The following CCDC73 variants were observed in gnomAD, a reference collection of about 807,000 sequenced individuals.
The protein encoded by CCDC73 is coiled-coil domain-containing protein 73.
In CCDC73, 95 loss-of-function variants were observed where a neutral mutation model predicts 116.5. That is an observed-to-expected ratio of 0.82 (90% CI 0.69 to 0.97). CCDC73 has a LOEUF of 0.97. Ranked by LOEUF, CCDC73 falls within the 50% of genes least tolerant of loss-of-function variation. The probability of loss-of-function intolerance (pLI) is 0.00; values close to 1 mark genes in which losing one functional copy is unlikely to be tolerated. For synonymous variants in CCDC73, 398 were observed against 401.3 expected, an observed-to-expected ratio of 0.99 and a Z score of 0.10; for missense variants, 1,066 against 1,206.8, an observed-to-expected ratio of 0.88 and a Z score of 1.73.
chr11:32,797,362 G>A (rs909670804), upstream of CCDC73, among the ~76,000 whole-genome samples: 3 of 152,184 alleles, frequency 2.0e-5, no homozygotes, highest in African/African-American at 7.2e-5. Context: ...CCACTTGCCT[G>A]GCATATCCTG....
chr11:32,707,341 T>G (rs1849864518), intron 3 of CCDC73, among the ~76,000 whole-genome samples: 1 of 151,962 alleles, frequency 6.6e-6, no homozygotes, highest in Non-Finnish European at 1.5e-5. Flanking sequence ...TTTGTATTAC[T>G]GAGCCCAAGT....
intron 9 of CCDC73, among the ~76,000 whole-genome samples, chr11:32,662,117 C>T (rs1388536489): frequency 5.9e-5 from 9 of 152,196 alleles, no homozygotes; most frequent in Non-Finnish European, 8.8e-5. Context: ...CAAGTCTTTG[C>T]TATTGTGAAT....
chr11:32,763,904 A>C (rs1850415697), intron 1 of CCDC73, among the ~76,000 whole-genome samples: 1 of 152,244 alleles, frequency 6.6e-6, no homozygotes, highest in Admixed American at 6.5e-5. Flanking sequence ...TAACCAGTGT[A>C]GAGAAGTCCT....
intron 13 of CCDC73, among the ~76,000 whole-genome samples, chr11:32,639,155 A>C (rs1005458552): frequency 1.8e-4 from 26 of 148,200 alleles, no homozygotes; most frequent in Non-Finnish European, 2.8e-4. Flanking sequence ...CTTCCCCGAC[A>C]CCCCCCCCAA....
chr11:32,616,542 C>T (rs1174448692), intron 14 of CCDC73, among the ~76,000 whole-genome samples: 10 of 152,030 alleles, frequency 6.6e-5, no homozygotes, highest in Non-Finnish European at 1.2e-4. Flanking sequence ...TTCACAGGTG[C>T]GATCATAGTG....
At chr11:32,791,313 T>G (rs191502836) in intron 1 of CCDC73, among the ~76,000 whole-genome samples, 1 of 152,348 alleles carries the variant, frequency 6.6e-6, no homozygotes, top group East Asian at 1.9e-4. Context: ...ATCTACATGA[T>G]TATTTCCCAA....
chr11:32,643,423 A>G lies in CCDC73; in HGVS notation c.940-1341T>C, dbSNP rs542525315. 6.6e-4 allele frequency among the ~76,000 whole-genome samples: 100 copies of G among 152,140 alleles called. 2 individuals carry two copies. The highest frequency in any genetic ancestry group is 3.3e-3 in the Admixed American group (50 of 15,272). On this transcript the variant is annotated intron_variant, in intron 12 of 17. Transcript: ENST00000335185. ...GTTCTGATAATTCCATCATTAGGTGATTTTTGTCACTGTATGAACATCATA... is the reference window on the plus strand; with the variant it reads ...GTTCTGATAATTCCATCATTAGGTGGTTTTTGTCACTGTATGAACATCATA...
chr11:32,695,368 C>CAA (rs34683408), intron 6 of CCDC73, among the ~76,000 whole-genome samples: 37,787 of 122,296 alleles, frequency 0.31, 5,279 homozygotes, highest in South Asian at 0.38. Context: ...GACTCCATCT[C>CAA]AAAAAAAAAA....
intron 2 of CCDC73, among the ~76,000 whole-genome samples, chr11:32,754,832 T>C (rs546422733): frequency 8.6e-5 from 13 of 151,276 alleles, no homozygotes; most frequent in Non-Finnish European, 1.6e-4. Context: ...TCCAGGAATG[T>C]CAATTAGCTG....
At chr11:32,706,499 G>A (rs1157464567) in intron 3 of CCDC73, among the ~76,000 whole-genome samples, 2 of 152,176 alleles carry the variant, frequency 1.3e-5, no homozygotes, top group Non-Finnish European at 2.9e-5. Flanking sequence ...TCTTGGTAAA[G>A]ACACGTATAA....
At chr11:32,760,453 T>C (rs1380479454) in intron 1 of CCDC73, among the ~76,000 whole-genome samples, 195 bp from the exon 2 acceptor site, 4 of 152,216 alleles carry the variant, frequency 2.6e-5, no homozygotes, top group African/African-American at 9.6e-5. Flanking sequence ...TGTTTCCCTA[T>C]GGTTGAAGCT....
At chr11:32,818,370 G>C in the CCDC73 span, among the ~76,000 whole-genome samples, 1 of 152,222 alleles carries the variant, frequency 6.6e-6, no homozygotes, top group Non-Finnish European at 1.5e-5. Context: ...TTGAGCTATA[G>C]TGCCCTCATC....
intron 1 of CCDC73, among the ~76,000 whole-genome samples, chr11:32,775,741 ATAGG>A (rs1458256231): frequency 6.6e-6 from 1 of 152,168 alleles, no homozygotes; most frequent in East Asian, 1.9e-4. Context: ...AAATCTGTTA[ATAGG>A]TAGCTATGTT....
chr11:32,791,679 G>A (rs1017424578), intron 1 of CCDC73, among the ~76,000 whole-genome samples: 2 of 152,120 alleles, frequency 1.3e-5, no homozygotes, highest in Non-Finnish European at 2.9e-5. Context: ...TCAGCCAGGC[G>A]TGGTGGCTAA....
At chr11:32,788,476 C>CTT (rs35792191) in intron 1 of CCDC73, among the ~76,000 whole-genome samples, 27 of 140,154 alleles carry the variant, frequency 1.9e-4, no homozygotes, top group Admixed American at 3.6e-4. Flanking sequence ...TGGTACAAAT[C>CTT]TTTTTTTTTT....
intron 2 of CCDC73, among the ~76,000 whole-genome samples, chr11:32,728,362 C>T (rs1277603046): frequency 2.0e-5 from 3 of 152,094 alleles, no homozygotes; most frequent in Admixed American, 2.0e-4. Flanking sequence ...TTTTGTGGTT[C>T]AAATTGCTCC....
rs529416350 is a variant in CCDC73, at chr11:32,775,734, T to C, written c.-15-15476A>G. Among the ~76,000 whole-genome samples, 4 of 152,302 alleles carry C rather than the reference T, an allele frequency of 2.6e-5. No homozygotes were observed. The South Asian group carries it at 8.3e-4, about 32-fold the overall frequency. On this transcript the variant is annotated intron_variant, in intron 1 of 17. Transcript: ENST00000335185. ...TTGGGAATCCTTTAATATTAACAAA[T>C]CTGTTAATAGGTAGCTATGTTTTCA...
rs1403708043 is a variant in CCDC73, at chr11:32,642,102, C to A, written c.940-20G>T. The A allele has an allele frequency of 6.6e-7, 1 of 1,510,204 alleles. No homozygotes were observed. The allele number at this position is 1,510,204 out of a possible 1,614,324, so 93.6% of individuals were successfully genotyped here. A position where few individuals can be genotyped will look rare whatever the true frequency, so the allele number is the denominator to read the frequency against. ...AAGGGTCTGCAATAAAATTAATTAT[C>A]CAAAAAATAATCAATACCACATTAA... On this transcript the variant is annotated intron_variant, in intron 12 of 17. Coordinates refer to ENST00000335185, the MANE Select transcript of CCDC73 (RefSeq NM_001008391.4).
At chr11:32,605,857 C>T (rs1266393937) in intron 17 of CCDC73, 1 of 152,190 alleles carries the variant, frequency 6.6e-6, no homozygotes, top group Non-Finnish European at 1.5e-5. Flanking sequence ...CGTCTCCTAT[C>T]CTTTTTAGAA....
Sources: allele counts gnomAD v4.1 joint callset (sites outside exome capture counted in the v4.1 genomes callset), GRCh38; gene constraint gnomAD v4.1.1; transcripts MANE v1.5; gene names NCBI Gene and HGNC (gene_info 2026-07-23, HGNC 2026-07-21).